Variants in NYAP2 observed in about 807,000 individuals in gnomAD.
NYAP2 encodes neuronal tyrosine-phosphorylated phosphoinositide-3-kinase adaptor 2.
A neutral mutation model predicts 50.4 loss-of-function variants in NYAP2; 23 were observed. The ratio of observed to expected loss-of-function variants is 0.46; its 90% CI spans 0.33 to 0.65. The LOEUF is 0.65. NYAP2 is among the 30% of genes least tolerant of loss of function. The probability of loss-of-function intolerance (pLI) is 0.02; values close to 1 mark genes in which losing one functional copy is unlikely to be tolerated. For synonymous variants in NYAP2, 394 were observed against 365.2 expected (o/e 1.08, Z -0.90); for missense variants, 885 against 861.0 (o/e 1.03, Z -0.35).
chr2:225,564,156 A>T (rs1016176643), intron 4 of NYAP2, among the ~76,000 whole-genome samples: 16 of 152,102 alleles, frequency 1.1e-4, no homozygotes, highest in Admixed American at 9.2e-4. Context: ...GGCAAGGAAG[A>T]CTAAGGTCTC....
chr2:225,500,220 C>T lies in NYAP2; in HGVS notation c.222-13151C>T, dbSNP rs546717534. 8.5e-5 allele frequency among the ~76,000 whole-genome samples: 13 copies of T among 152,204 alleles called. No homozygotes were observed. In the East Asian group the frequency reaches 2.3e-3, roughly 27 times the overall value. On this transcript the variant is annotated intron_variant, in intron 3 of 6. Transcript: ENST00000636099. The stretch of plus-strand genomic sequence containing the variant: ...GGACTGGGTTCAGATTTGTCAAAAC[C>T]GAGGTTTCCTAAAGCTTGCAGTCAT...
At chr2:225,609,606 C>A (rs938082322) in intron 5 of NYAP2, among the ~76,000 whole-genome samples, 2 of 152,106 alleles carry the variant, frequency 1.3e-5, no homozygotes, top group Non-Finnish European at 2.9e-5. Context: ...AGGCTCTTGG[C>A]TTCATGGACT....
chr2:225,694,300 T>C, the NYAP2 span, among the ~76,000 whole-genome samples: 4 of 151,754 alleles, frequency 2.6e-5, no homozygotes, highest in African/African-American at 9.7e-5. Context: ...ATTTTACACA[T>C]CTTTTTTTTT....
intron 3 of NYAP2, among the ~76,000 whole-genome samples, chr2:225,427,563 C>A (rs1695305531): frequency 6.6e-6 from 1 of 152,166 alleles, no homozygotes; most frequent in Non-Finnish European, 1.5e-5. Context: ...CCGTGTGGCT[C>A]CTTCCCTGTC....
At chr2:225,498,071 A>G (rs1333733219) in intron 3 of NYAP2, among the ~76,000 whole-genome samples, 1 of 152,112 alleles carries the variant, frequency 6.6e-6, no homozygotes, top group Non-Finnish European at 1.5e-5. Context: ...ATAATTAACT[A>G]TGTATTCCTT....
chr2:225,468,499 T>TG (rs544986281), intron 3 of NYAP2, among the ~76,000 whole-genome samples: 3 of 151,960 alleles, frequency 2.0e-5, no homozygotes, highest in Non-Finnish European at 4.4e-5. Context: ...CACAAACAAG[T>TG]GGGGAAAGAA....
intron 3 of NYAP2, among the ~76,000 whole-genome samples, chr2:225,431,199 G>A (rs1367260049): frequency 2.0e-5 from 3 of 152,190 alleles, no homozygotes; most frequent in Non-Finnish European, 4.4e-5. Context: ...TTTTTCAGAA[G>A]TTATTTCAAA....
At chr2:225,578,178 C>T (rs895916023) in intron 4 of NYAP2, among the ~76,000 whole-genome samples, 9 of 152,066 alleles carry the variant, frequency 5.9e-5, no homozygotes, top group African/African-American at 2.2e-4. Context: ...AGTAATCCAC[C>T]TGCCTCCGCC....
intron 3 of NYAP2, among the ~76,000 whole-genome samples, chr2:225,460,741 T>C (rs1689814902): frequency 1.3e-5 from 2 of 152,168 alleles, no homozygotes; most frequent in Admixed American, 1.3e-4. Context: ...GTTACTCCTG[T>C]TGGATGAATT....
At chr2:225,564,668 G>T (rs1168757441) in intron 4 of NYAP2, among the ~76,000 whole-genome samples, 1 of 149,842 alleles carries the variant, frequency 6.7e-6, no homozygotes, top group Non-Finnish European at 1.5e-5. Context: ...AATATCTGAA[G>T]GTGAACTGCA....
At chr2:225,634,560 C>CAA (rs949057464) in intron 6 of NYAP2, among the ~76,000 whole-genome samples, 1 of 149,764 alleles carries the variant, frequency 6.7e-6, no homozygotes, top group Non-Finnish European at 1.5e-5. Context: ...TTAAAGAAAA[C>CAA]AAAAAAAAAG....
chr2:225,529,946 A>C (rs1342052762), intron 4 of NYAP2, among the ~76,000 whole-genome samples: 1 of 151,862 alleles, frequency 6.6e-6, no homozygotes, highest in Non-Finnish European at 1.5e-5. Context: ...TGACCTCGTG[A>C]TCCACCCACC....
intron 3 of NYAP2, among the ~76,000 whole-genome samples, chr2:225,433,358 TAAA>T (rs10553749): frequency 0.69 from 102,158 of 148,966 alleles, 35,668 homozygotes; most frequent in Non-Finnish European, 0.76. Context: ...CCTATCTGTT[TAAA>T]AAAAAAAAAA....
chr2:225,478,122 C>T (rs984182228), intron 3 of NYAP2, among the ~76,000 whole-genome samples: 2 of 152,084 alleles, frequency 1.3e-5, no homozygotes, highest in Admixed American at 6.6e-5. Flanking sequence ...GAAGTTTAAT[C>T]GGGTGCTATC....
intron 5 of NYAP2, among the ~76,000 whole-genome samples, chr2:225,600,427 G>A (rs942365710): frequency 6.6e-6 from 1 of 152,260 alleles, no homozygotes; most frequent in Admixed American, 6.5e-5. Flanking sequence ...TGGCTAATTT[G>A]TTAGTCCTAC....
the NYAP2 span, among the ~76,000 whole-genome samples, chr2:225,664,418 G>A: frequency 1.1e-4 from 17 of 152,252 alleles, no homozygotes; most frequent in Non-Finnish European, 2.1e-4. Flanking sequence ...CAGTGGAAAC[G>A]GATTAGTATG....
intron 3 of NYAP2, among the ~76,000 whole-genome samples, chr2:225,426,544 T>C (rs779015211): frequency 2.6e-5 from 4 of 152,186 alleles, no homozygotes; most frequent in African/African-American, 4.8e-5. Flanking sequence ...TGAGATTTTA[T>C]TAATGAATGA....
At chr2:225,502,808 A>G (rs1690352722) in intron 3 of NYAP2, among the ~76,000 whole-genome samples, 1 of 152,198 alleles carries the variant, frequency 6.6e-6, no homozygotes, top group African/African-American at 2.4e-5. Flanking sequence ...GTGAGAGAAC[A>G]TCTGATCACA....
intron 3 of NYAP2, among the ~76,000 whole-genome samples, chr2:225,428,311 G>C (rs752523683): frequency 1.2e-4 from 19 of 152,178 alleles, no homozygotes; most frequent in Non-Finnish European, 2.8e-4. Context: ...GGGAAACCTG[G>C]AAAGATTACT....
Sources: gnomAD v4.1 joint callset for allele counts (sites outside exome capture counted in the v4.1 genomes callset) on GRCh38, gnomAD v4.1.1 for gene constraint, MANE v1.5 for transcripts, NCBI Gene and HGNC (gene_info 2026-07-23, HGNC 2026-07-21) for gene names.